KIF5A: variants seen among roughly 807,000 people sequenced by gnomAD.
KIF5A encodes the protein kinesin heavy chain isoform 5A.
KIF5A carries 35 observed loss-of-function variants against 141.3 expected under a neutral mutation model. The ratio of observed to expected loss-of-function variants is 0.25; its 90% CI spans 0.19 to 0.33. KIF5A has a LOEUF of 0.33. KIF5A is among the 10% of genes least tolerant of loss of function. The pLI, the probability that KIF5A is intolerant of heterozygous loss-of-function variation, is 1.00. For synonymous variants in KIF5A, 448 were observed against 500.2 expected, an observed-to-expected ratio of 0.90 and a Z score of 1.39; for missense variants, 861 against 1,314.3, an observed-to-expected ratio of 0.66 and a Z score of 5.33.
At chr12:57,582,775 A>T in intron 27 of KIF5A, 146 bp downstream of exon 27, 1 of 756,062 alleles carries the variant, frequency 1.3e-6, no homozygotes, top group Non-Finnish European at 2.4e-6. Flanking sequence ...TGTGTTGTCC[A>T]GGAGATCCAG....
At chr12:57,583,322 A>C in intron 28 of KIF5A, 107 bp downstream of exon 28, 3 of 689,342 alleles carry the variant, frequency 4.4e-6, no homozygotes, top group Admixed American at 2.4e-5. Context: ...TCACCTCAAA[A>C]CTTTAATTAT....
At chr12:57,578,489 T>G in intron 23 of KIF5A, 147 bp downstream of exon 23, 1 of 688,724 alleles carries the variant, frequency 1.5e-6, no homozygotes, top group Non-Finnish European at 2.6e-6. Flanking sequence ...CCCTTCTTTA[T>G]ACCATATTTG....
intron 15 of KIF5A, among the ~76,000 whole-genome samples, chr12:57,574,297 G>C (rs1023569342): frequency 6.7e-6 from 1 of 149,406 alleles, no homozygotes; most frequent in Non-Finnish European, 1.5e-5. Context: ...TTTTGAGATG[G>C]AGTCTTGCTC....
intron 1 of KIF5A, among the ~76,000 whole-genome samples, chr12:57,552,297 T>G (rs1159465174): frequency 1.3e-5 from 2 of 152,038 alleles, no homozygotes; most frequent in Non-Finnish European, 2.9e-5. Context: ...AGGGGTGTGG[T>G]GTCGATCTGT....
chr12:57,568,102 C>A (rs1166348049), intron 8 of KIF5A, among the ~76,000 whole-genome samples: 1 of 151,994 alleles, frequency 6.6e-6, no homozygotes, highest in South Asian at 2.1e-4. Flanking sequence ...AGGCTGGTCT[C>A]GAACTCCTGA....
chr12:57,569,742 G>A, intron 11 of KIF5A, 59 bp downstream of exon 11: 1 of 1,599,738 alleles, frequency 6.3e-7, no homozygotes, highest in Non-Finnish European at 8.5e-7. Flanking sequence ...ATGTTTGGGA[G>A]CCAACTCTGT....
intron 23 of KIF5A, among the ~76,000 whole-genome samples, chr12:57,580,036 C>T (rs1882547984): frequency 6.6e-6 from 1 of 152,176 alleles, no homozygotes; most frequent in African/African-American, 2.4e-5. Flanking sequence ...GACTATAGCC[C>T]TATATCAATT....
At chr12:57,574,081 C>CA (rs1160470796) in intron 15 of KIF5A, among the ~76,000 whole-genome samples, 5,472 of 64,096 alleles carry the variant, frequency 0.085, 294 homozygotes, top group African/African-American at 0.22. Flanking sequence ...GACTCTGTCT[C>CA]AAAAAAAAAA....
intron 19 of KIF5A, 40 bp downstream of exon 19, chr12:57,576,418 C>A: frequency 6.7e-7 from 1 of 1,486,746 alleles, no homozygotes; most frequent in Non-Finnish European, 9.4e-7. Flanking sequence ...CTCCCGGGTC[C>A]TGTCACCTTG....
chr12:57,581,630 A>G, intron 25 of KIF5A, 62 bp downstream of exon 25: 1 of 1,571,336 alleles, frequency 6.4e-7, no homozygotes. Flanking sequence ...TAGAAGGCAT[A>G]GGGTGGGGGC....
rs746856911 is a variant in KIF5A at position 57,569,522 on chromosome 12, TCTC to T, written c.969-9_969-7del. 6.2e-7 allele frequency: 1 copy of T among 1,613,942 alleles called. No homozygotes were observed. The highest frequency in any genetic ancestry group is 8.5e-7 in the Non-Finnish European group (1 of 1,179,986). On this transcript the variant is annotated splice_polypyrimidine_tract_variant and intron_variant, in intron 10 of 28. Coordinates refer to ENST00000455537, the MANE Select transcript of KIF5A (RefSeq NM_004984.4). ...GTTGCTCTCATTTCTTTGTTCCTCT[TCTC>T]CTCACCCAGGGCAAAGACCATTAAG... is the stretch of plus-strand genomic sequence containing the variant.
At chr12:57,566,739 G>A (rs955545895) in intron 6 of KIF5A, among the ~76,000 whole-genome samples, 1 of 149,456 alleles carries the variant, frequency 6.7e-6, no homozygotes, top group Non-Finnish European at 1.5e-5. Flanking sequence ...TAGTAAATAC[G>A]TAAGATAAAA....
In KIF5A at chr12:57,583,209, C is replaced by CT. The variant is rs900506641; in HGVS notation, c.*33dup. On this transcript the variant is annotated 3_prime_UTR_variant, in exon 28 of 29. Coordinates refer to ENST00000455537, the MANE Select transcript of KIF5A (RefSeq NM_004984.4). The stretch of plus-strand genomic sequence containing the variant: ...CCACACCCACGGCTGCATACCTGCA[C>CT]TTTCAGGTAGCGTCAGGCTGCTTCC... 6 of 1,587,150 alleles carry CT rather than the reference C, an allele frequency of 3.8e-6. No homozygotes were observed. The African/African-American group carries it at 6.7e-5, about 18-fold the overall frequency.
rs1203150429 is a variant in KIF5A at position 57,585,805 on chromosome 12, T to G, written c.*1624T>G. Reference sequence around the variant, plus strand: ...AGAACTGCAGGGGGAAAAATACCAGTGGAGTGTGGAATAAATCCAAAGCAG... The same window carrying G: ...AGAACTGCAGGGGGAAAAATACCAGGGGAGTGTGGAATAAATCCAAAGCAG... On this transcript the variant is annotated 3_prime_UTR_variant, in exon 29 of 29. Coordinates refer to ENST00000455537, the MANE Select transcript of KIF5A (RefSeq NM_004984.4). The G allele has an allele frequency of 6.6e-6, 1 of 152,020 alleles. No homozygotes were observed. Among genetic ancestry groups the G allele is most frequent in the African/African-American group, 2.4e-5 (1 of 41,352 alleles). 9.4% of individuals were successfully genotyped at this position (152,020 alleles called of 1,614,324 possible). A position where few individuals can be genotyped will look rare whatever the true frequency, so the allele number is the denominator to read the frequency against.
At position 57,572,500 on chromosome 12, in the gene KIF5A, A is replaced by G; in HGVS notation, c.1570-80A>G. 1.9e-6 allele frequency: 3 copies of G among 1,583,930 alleles called. No homozygotes were observed. The highest frequency in any genetic ancestry group is 1.3e-5 in the African/African-American group (1 of 74,518). On this transcript the variant is annotated intron_variant, in intron 14 of 28. Transcript: ENST00000455537. The surrounding 1 kb of genome is among the most constrained non-coding windows in gnomAD (Gnocchi z 4.2). ...TTCATAGCAGCCCTCAGGGTCTTGCATGAAGGGAGAGGCCTCTGCCTGGGC... is the reference window on the plus strand; with the variant it reads ...TTCATAGCAGCCCTCAGGGTCTTGCGTGAAGGGAGAGGCCTCTGCCTGGGC...
chr12:57,578,448 C>A, intron 23 of KIF5A, 106 bp downstream of exon 23: 1 of 776,540 alleles, frequency 1.3e-6, no homozygotes. Context: ...GCATGTTTTC[C>A]TTACTGTTCG....
Position 57,583,235 on chromosome 12 carries a change from T to G in KIF5A, c.*36+20T>G. On this transcript the variant is annotated intron_variant, in intron 28 of 28. Transcript: ENST00000455537. ...TTTCAGGTAGCGTCAGGCTGCTTCC[T>G]CGGACCAGCCTCAGGTTGCTTCCCT... is the stretch of plus-strand genomic sequence containing the variant. The G allele has an allele frequency of 6.8e-7, 1 of 1,465,462 alleles. No individual in the cohort carries two copies. The highest frequency in any genetic ancestry group is 9.5e-7 in the Non-Finnish European group (1 of 1,054,892). The allele number at this position is 1,465,462 out of a possible 1,614,324, so 90.8% of individuals were successfully genotyped here.
chr12:57,560,885 C>G (rs930056411), intron 1 of KIF5A, among the ~76,000 whole-genome samples: 1 of 152,126 alleles, frequency 6.6e-6, no homozygotes, highest in Non-Finnish European at 1.5e-5. Flanking sequence ...TGCCTGTGGT[C>G]CCAGCTACTT....
At chr12:57,551,547 G>T (rs1881572941) in intron 1 of KIF5A, among the ~76,000 whole-genome samples, 1 of 152,182 alleles carries the variant, frequency 6.6e-6, no homozygotes, top group African/African-American at 2.4e-5. Context: ...GAAAAGATCT[G>T]GGGTCGAGTC....
Sources: allele counts gnomAD v4.1 joint callset (sites outside exome capture counted in the v4.1 genomes callset), GRCh38; gene constraint gnomAD v4.1.1; non-coding constraint Gnocchi (gnomAD v3.1); transcripts MANE v1.5; gene names NCBI Gene and HGNC (gene_info 2026-07-23, HGNC 2026-07-21).